The following ACOT7 variants were observed in gnomAD, a reference collection of about 807,000 sequenced individuals.
ACOT7 encodes the protein cytosolic acyl coenzyme A thioester hydrolase.
A neutral mutation model predicts 40.2 loss-of-function variants in ACOT7; 12 were observed. The observed-to-expected ratio is 0.30, with a 90% CI of 0.19 to 0.48. The LOEUF is 0.48. Ranked by LOEUF, ACOT7 falls within the 20% of genes least tolerant of loss-of-function variation. The pLI is 0.99. For synonymous variants in ACOT7, 228 were observed against 219.5 expected, an observed-to-expected ratio of 1.04 and a Z score of -0.34; for missense variants, 395 against 530.8, an observed-to-expected ratio of 0.74 and a Z score of 2.51.
intron 1 of ACOT7, chr1:6,360,715 G>T: frequency 6.2e-7 from 1 of 1,612,888 alleles, no homozygotes; most frequent in South Asian, 1.1e-5. Flanking sequence ...CTCAAGGAAT[G>T]AGCCTGGGCC....
At chr1:6,379,003 C>T (rs989901004) in intron 1 of ACOT7, among the ~76,000 whole-genome samples, 3 of 151,860 alleles carry the variant, frequency 2.0e-5, no homozygotes, top group African/African-American at 4.8e-5. Context: ...TCACACCATT[C>T]TCCTGCCTCA....
chr1:6,313,156 CAG>C (rs913184726), intron 6 of ACOT7, among the ~76,000 whole-genome samples: 16 of 152,256 alleles, frequency 1.1e-4, no homozygotes, highest in Non-Finnish European at 2.2e-4. Context: ...GTCTGGGGGA[CAG>C]GGGTGGAGAA....
intron 1 of ACOT7, among the ~76,000 whole-genome samples, chr1:6,384,524 A>G (rs538440306): frequency 6.6e-6 from 1 of 152,050 alleles, no homozygotes; most frequent in South Asian, 2.1e-4. Flanking sequence ...GTTTTTACTC[A>G]TGCTTTTAAT....
intron 2 of ACOT7, among the ~76,000 whole-genome samples, chr1:6,341,198 G>A (rs1288824617): frequency 6.6e-6 from 1 of 151,326 alleles, no homozygotes; most frequent in South Asian, 2.1e-4. Context: ...CTGGAATGCA[G>A]TGGTGCAATC....
intron 3 of ACOT7, among the ~76,000 whole-genome samples, chr1:6,334,175 G>A (rs983456411): frequency 2.0e-5 from 3 of 152,240 alleles, no homozygotes; most frequent in South Asian, 2.1e-4. Context: ...CCGGGGACAC[G>A]AGGCTGAGCC....
intron 4 of ACOT7, among the ~76,000 whole-genome samples, chr1:6,331,247 T>C (rs1363968373): frequency 6.6e-6 from 1 of 152,170 alleles, no homozygotes; most frequent in East Asian, 1.9e-4. Flanking sequence ...AACCTCAAAA[T>C]GCAAATGCTC....
At chr1:6,331,645 C>T (rs1184425692) in intron 4 of ACOT7, among the ~76,000 whole-genome samples, 2 of 152,232 alleles carry the variant, frequency 1.3e-5, no homozygotes, top group Non-Finnish European at 2.9e-5. Flanking sequence ...GCCCACTGGC[C>T]AGATTCTGGC....
chr1:6,349,995 G>C, intron 1 of ACOT7, 129 bp from the exon 2 acceptor site: 1 of 892,490 alleles, frequency 1.1e-6, no homozygotes, highest in East Asian at 2.5e-5. Flanking sequence ...CCTTCCCAAT[G>C]TTTGGGCTCT....
In ACOT7 at chr1:6,264,388, T is replaced by C; in HGVS notation, c.*209A>G. The C allele has an allele frequency of 1.7e-6, 1 of 589,770 alleles. No homozygotes were observed. 36.5% of individuals were successfully genotyped at this position (589,770 alleles called of 1,614,324 possible). On this transcript the variant is annotated 3_prime_UTR_variant, in exon 9 of 9. Coordinates refer to ENST00000361521, the MANE Select transcript of ACOT7 (RefSeq NM_007274.4). ...CCTCCCGGCGCTCGGGACAACACTGTGTAGCATTGATACTGGAATGATATA... is the reference window on the plus strand; with the variant it reads ...CCTCCCGGCGCTCGGGACAACACTGCGTAGCATTGATACTGGAATGATATA...
At position 6,294,296 on chromosome 1, in the gene ACOT7, G is replaced by A. The variant is rs1451482131; in HGVS notation, c.829+568C>T. On this transcript the variant is annotated intron_variant, in intron 7 of 8. Transcript: ENST00000361521. The surrounding 1 kb of genome is among the most constrained non-coding windows in gnomAD (Gnocchi z 4.6). ...GACCTCTGCTCATACAAACTGCAGA[G>A]GCCTGGCCTGTCAAGCTGGCACACA... is the stretch of plus-strand genomic sequence containing the variant. Among the ~76,000 whole-genome samples the A allele has an allele frequency of 6.6e-6, 1 of 152,226 alleles. No homozygotes were observed. The highest frequency in any genetic ancestry group is 1.9e-4 in the East Asian group (1 of 5,202).
chr1:6,382,720 G>A (rs1450075502), intron 1 of ACOT7, among the ~76,000 whole-genome samples: 3 of 151,634 alleles, frequency 2.0e-5, no homozygotes, highest in East Asian at 1.9e-4. Flanking sequence ...GGTGGCTGAG[G>A]CAGGAGGATC....
Position 6,283,651 on chromosome 1 carries a change from A to G in ACOT7, c.830-2365T>C, listed in dbSNP as rs149494241. ...AAAAGCATTAGACGTAACAACAAAAAGAAGAGAATGCTGTCTGGGAGAGCC... is the reference window on the plus strand; with the variant it reads ...AAAAGCATTAGACGTAACAACAAAAGGAAGAGAATGCTGTCTGGGAGAGCC... On this transcript the variant is annotated intron_variant, in intron 7 of 8. Transcript: ENST00000361521. 3.6e-3 allele frequency among the ~76,000 whole-genome samples: 554 copies of G among 152,384 alleles called. 5 individuals are homozygous for G. Among genetic ancestry groups the G allele is most frequent in the African/African-American group, 0.013 (531 of 41,594 alleles).
rs931967412 is a variant in ACOT7 at position 6,282,617 on chromosome 1, G to A, written c.830-1331C>T. 2.3e-6 allele frequency: 2 copies of A among 870,340 alleles called. No homozygotes were observed. The highest frequency in any genetic ancestry group is 6.3e-5 in the East Asian group (1 of 15,934). The allele number at this position is 870,340 out of a possible 1,614,324, so 53.9% of individuals were successfully genotyped here. On this transcript the variant is annotated intron_variant, in intron 7 of 8. Transcript: ENST00000361521. The surrounding 1 kb of genome is among the most constrained non-coding windows in gnomAD (Gnocchi z 4.5). Reference sequence around the variant, plus strand: ...TTTAGAGACCCAGAGTGAGAAAGCGGCCAGGTGGTGGCTGTTGGAGGGCGG... The same window carrying A: ...TTTAGAGACCCAGAGTGAGAAAGCGACCAGGTGGTGGCTGTTGGAGGGCGG...
chr1:6,385,717 C>A, intron 1 of ACOT7: 1 of 1,571,694 alleles, frequency 6.4e-7, no homozygotes, highest in African/African-American at 1.3e-5. Context: ...TGATGCCCAG[C>A]AGAGCCCAAG....
rs534554665 is a variant in ACOT7 at position 6,364,575 on chromosome 1, C to T, written c.144-14709G>A. On this transcript the variant is annotated intron_variant, in intron 1 of 8. Transcript: ENST00000361521. ...AAAAAAAGCCCAGCATTTGGCCTGG[C>T]GCAGTGGCTCACGCCTGTAATCCCA... 2.7e-3 allele frequency among the ~76,000 whole-genome samples: 381 copies of T among 140,946 alleles called. 2 individuals are homozygous for T. The highest frequency in any genetic ancestry group is 9.6e-3 in the African/African-American group (360 of 37,508). The allele number at this position is 140,946 out of a possible 152,430, so 92.5% of individuals were successfully genotyped here. A position where few individuals can be genotyped will look rare whatever the true frequency, so the allele number is the denominator to read the frequency against.
At chr1:6,285,952 G>A (rs1639491462) in intron 7 of ACOT7, among the ~76,000 whole-genome samples, 1 of 152,194 alleles carries the variant, frequency 6.6e-6, no homozygotes, top group Admixed American at 6.5e-5. Context: ...GGACATTGCG[G>A]GGCCCATCCG....
At chr1:6,286,990 G>T (rs1479734542) in intron 7 of ACOT7, among the ~76,000 whole-genome samples, 1 of 152,232 alleles carries the variant, frequency 6.6e-6, no homozygotes. Context: ...GTTTCAGCAT[G>T]TTAGCCAGGA....
At position 6,338,937 on chromosome 1, in the gene ACOT7, T is replaced by C. The variant is rs1240724352; in HGVS notation, c.418+496A>G. On this transcript the variant is annotated intron_variant, in intron 3 of 8. Transcript: ENST00000361521. This position sits in a 1 kb window ranked among gnomAD's most constrained non-coding sequence, Gnocchi z 4.4. ...GTTACCATGGCCAAGGAGGAGAATA[T>C]TCAGATGAAAGCAGAGGCAAAGGTT... 6.6e-6 allele frequency among the ~76,000 whole-genome samples: 1 copy of C among 152,132 alleles called. No individual in the cohort carries two copies. Among genetic ancestry groups the C allele is most frequent in the African/African-American group, 2.4e-5 (1 of 41,438 alleles).
intron 5 of ACOT7, among the ~76,000 whole-genome samples, chr1:6,322,782 G>A (rs59172575): frequency 0.14 from 21,186 of 152,100 alleles, 1,546 homozygotes; most frequent in African/African-American, 0.18. Context: ...CTCAACATAT[G>A]ATTTGTGGTG....
Sources: allele counts gnomAD v4.1 joint callset (sites outside exome capture counted in the v4.1 genomes callset), GRCh38; gene constraint gnomAD v4.1.1; non-coding constraint Gnocchi (gnomAD v3.1); transcripts MANE v1.5; gene names NCBI Gene and HGNC (gene_info 2026-07-23, HGNC 2026-07-21).